VSTM4: variants seen among roughly 807,000 people sequenced by gnomAD.
VSTM4 encodes V-set and transmembrane domain containing 4.
In VSTM4, 20 loss-of-function variants were observed where a neutral mutation model predicts 36.4. That is an observed-to-expected ratio of 0.55 (90% CI 0.39 to 0.80). The LOEUF is 0.80. Ranked by LOEUF, VSTM4 falls within the 30% of genes least tolerant of loss-of-function variation. VSTM4 has a pLI of 0.00. For missense variants in VSTM4, 392 were observed against 404.5 expected, an observed-to-expected ratio of 0.97 and a Z score of 0.26; for synonymous variants, 182 against 173.9, an observed-to-expected ratio of 1.05 and a Z score of -0.37.
intron 1 of VSTM4, among the ~76,000 whole-genome samples, chr10:49,113,171 A>C (rs1388018866): frequency 1.3e-5 from 2 of 152,252 alleles, no homozygotes; most frequent in Admixed American, 1.3e-4. Context: ...GCAAACTGTC[A>C]GTACTGATCA....
intron 4 of VSTM4, among the ~76,000 whole-genome samples, chr10:49,066,492 T>A (rs1843976370): frequency 6.6e-6 from 1 of 152,194 alleles, no homozygotes. Flanking sequence ...ACCTTGGAAG[T>A]AGTTCTAAAA....
chr10:49,048,730 G>T, intron 5 of VSTM4, 146 bp from the exon 6 acceptor site: 1 of 637,848 alleles, frequency 1.6e-6, no homozygotes, highest in Non-Finnish European at 2.6e-6. Context: ...GGGTAGACTG[G>T]AAACACTCTG....
At chr10:49,099,608 C>A (rs1844631507) in intron 2 of VSTM4, among the ~76,000 whole-genome samples, 1 of 152,204 alleles carries the variant, frequency 6.6e-6, no homozygotes, top group South Asian at 2.1e-4. Context: ...TCACTTAGGA[C>A]TTTTCAATCC....
In VSTM4 at chr10:49,048,604, C is replaced by G. The variant is rs1590085603; in HGVS notation, c.669-20G>C. 2 of 1,567,146 alleles carry G rather than the reference C, an allele frequency of 1.3e-6. No homozygotes were observed. On this transcript the variant is annotated intron_variant, in intron 5 of 7. Transcript: ENST00000332853. ...CCTGAGCTGTAGAAGAAAAAGTTTC[C>G]AGTGAAACCAAAGGCAGATTTGTTG... is the stretch of plus-strand genomic sequence containing the variant.
At chr10:49,106,151 T>C (rs1844778461) in intron 2 of VSTM4, among the ~76,000 whole-genome samples, 1 of 152,236 alleles carries the variant, frequency 6.6e-6, no homozygotes, top group Non-Finnish European at 1.5e-5. Flanking sequence ...ATATAAATTA[T>C]TTTACTCTAT....
intron 7 of VSTM4, among the ~76,000 whole-genome samples, chr10:49,046,499 T>A (rs1397506335): frequency 6.6e-6 from 1 of 152,240 alleles, no homozygotes; most frequent in Non-Finnish European, 1.5e-5. Context: ...TGTTAATTTC[T>A]TAGTTTGACA....
rs1228635072 is a variant in VSTM4, at chr10:49,018,468, C to G, written c.*1182G>C. The G allele has an allele frequency of 1.3e-5, 2 of 152,188 alleles. No homozygotes were observed. Among genetic ancestry groups the G allele is most frequent in the African/African-American group, 4.8e-5 (2 of 41,442 alleles). 9.4% of individuals were successfully genotyped at this position (152,188 alleles called of 1,614,324 possible). On this transcript the variant is annotated 3_prime_UTR_variant, in exon 8 of 8. Transcript: ENST00000332853. ...GCTGTGTTTAAAATAGATAATTTAT[C>G]ATATATACATGGTCCACTACATAGT...
intron 2 of VSTM4, among the ~76,000 whole-genome samples, chr10:49,092,034 C>G (rs1844484424): frequency 6.6e-6 from 1 of 152,136 alleles, no homozygotes; most frequent in Non-Finnish European, 1.5e-5. Flanking sequence ...GGCAGCTGGG[C>G]TCAGGAGACA....
At chr10:49,031,510 T>G (rs1843345411) in intron 7 of VSTM4, among the ~76,000 whole-genome samples, 1 of 152,254 alleles carries the variant, frequency 6.6e-6, no homozygotes, top group East Asian at 1.9e-4. Flanking sequence ...TCCGTTGCTT[T>G]GAAATATTTA....
At chr10:49,068,920 G>A (rs1183932575) in intron 4 of VSTM4, among the ~76,000 whole-genome samples, 4 of 152,100 alleles carry the variant, frequency 2.6e-5, no homozygotes, top group Non-Finnish European at 5.9e-5. Flanking sequence ...GTTCTCAAAT[G>A]GTTATTTTAG....
At chr10:49,070,803 C>G (rs577570179) in intron 4 of VSTM4, among the ~76,000 whole-genome samples, 1 of 152,222 alleles carries the variant, frequency 6.6e-6, no homozygotes, top group South Asian at 2.1e-4. Context: ...CTGAGCCTCC[C>G]GGCACCCACT....
intron 1 of VSTM4, among the ~76,000 whole-genome samples, chr10:49,108,251 G>C (rs140803893): frequency 1.4e-4 from 22 of 152,198 alleles, no homozygotes; most frequent in Non-Finnish European, 3.1e-4. Context: ...TGACCCAGAA[G>C]TATTTTTCAA....
intron 3 of VSTM4, among the ~76,000 whole-genome samples, chr10:49,078,711 T>C (rs1284674094): frequency 1.3e-5 from 2 of 152,222 alleles, no homozygotes; most frequent in Non-Finnish European, 1.5e-5. Flanking sequence ...AGAAATATTC[T>C]GTATCTTGAC....
chr10:49,031,550 G>A (rs187143422), intron 7 of VSTM4, among the ~76,000 whole-genome samples: 126 of 152,340 alleles, frequency 8.3e-4, no homozygotes, highest in African/African-American at 2.8e-3. Flanking sequence ...ACTTTGAGAC[G>A]TTTTGGAAAG....
At chr10:49,051,167 G>A (rs891121612) in intron 5 of VSTM4, among the ~76,000 whole-genome samples, 2 of 152,122 alleles carry the variant, frequency 1.3e-5, no homozygotes, top group African/African-American at 4.8e-5. Context: ...ATCATACAGA[G>A]TAGTTTCACT....
intron 7 of VSTM4, among the ~76,000 whole-genome samples, chr10:49,031,898 T>C (rs926214686): frequency 2.0e-5 from 3 of 152,130 alleles, no homozygotes; most frequent in Non-Finnish European, 4.4e-5. Flanking sequence ...CATATGGCAC[T>C]GTTCATTCAG....
chr10:49,059,241 T>C (rs1004687755), intron 5 of VSTM4, among the ~76,000 whole-genome samples: 1 of 152,182 alleles, frequency 6.6e-6, no homozygotes, highest in Non-Finnish European at 1.5e-5. Context: ...GTAGAGTAAA[T>C]GCAGGCTTTC....
At chr10:49,060,168 C>G (rs1277193754) in intron 5 of VSTM4, among the ~76,000 whole-genome samples, 1 of 152,338 alleles carries the variant, frequency 6.6e-6, no homozygotes, top group East Asian at 1.9e-4. Context: ...CAGCTATGAA[C>G]AACTGCATAT....
intron 2 of VSTM4, 38 bp downstream of exon 2, chr10:49,107,556 C>T (rs766795300): frequency 6.4e-7 from 1 of 1,562,448 alleles, no homozygotes; most frequent in Admixed American, 1.8e-5. Flanking sequence ...CTGGCCTGCC[C>T]CACCACCACC....
Sources: gnomAD v4.1 joint callset for allele counts (sites outside exome capture counted in the v4.1 genomes callset) on GRCh38, gnomAD v4.1.1 for gene constraint, MANE v1.5 for transcripts, NCBI Gene and HGNC (gene_info 2026-07-23, HGNC 2026-07-21) for gene names.